The following SLC25A44 variants were observed in gnomAD, a reference collection of about 807,000 sequenced individuals.
SLC25A44 encodes solute carrier family 25 member 44.
Under a neutral mutation model 29.9 loss-of-function variants are expected in SLC25A44, and 17 were observed. That is an observed-to-expected ratio of 0.57 (90% confidence interval 0.39 to 0.85). The LOEUF (loss-of-function observed/expected upper bound fraction) is 0.85, where lower values mean the gene tolerates loss of function less well. Among genes scored for constraint, SLC25A44 ranks in the 40% least tolerant of loss-of-function variants. The probability of loss-of-function intolerance (pLI) is 0.00; values close to 1 mark genes in which losing one functional copy is unlikely to be tolerated. For synonymous variants in SLC25A44, 140 were observed against 151.8 expected (o/e 0.92, Z 0.57); for missense variants, 302 against 398.4 (o/e 0.76, Z 2.06).
In SLC25A44 at chr1:156,198,423, C is replaced by T. The variant is rs1032511946; in HGVS notation, c.-13-1412C>T. The stretch of plus-strand genomic sequence containing the variant: ...ACACTTAACATGAGGGCTACATGTG[C>T]ATCAACATACTCTGGTTTCCTTCCC... On this transcript the variant is annotated intron_variant, in intron 1 of 3. Transcript: ENST00000359511. The surrounding 1 kb of genome is among the most constrained non-coding windows in gnomAD (Gnocchi z 4.1). The T allele has an allele frequency of 6.6e-6, 1 of 151,960 alleles. No homozygotes were observed. The highest frequency in any genetic ancestry group is 2.4e-5 in the African/African-American group (1 of 41,294). 9.4% of individuals were successfully genotyped at this position (151,960 alleles called of 1,614,324 possible).
chr1:156,200,397 C>A lies in SLC25A44; in HGVS notation c.550C>A (p.Arg184=). The stretch of plus-strand genomic sequence containing the variant: ...GGCTGATGGACTTCGCGGCTTCTAT[C>A]GAGGCTATGTGGCTTCACTGCTTAC... ...LQADGLRGFY[R]GYVASLLTYI... Residue 184 remains arginine, a synonymous_variant, in exon 2 of 4, where the codon CGA becomes AGA. Transcript: ENST00000359511. The A allele has an allele frequency of 2.5e-6, 4 of 1,614,004 alleles. No homozygotes were observed. The highest frequency in any genetic ancestry group is 3.4e-6 in the Non-Finnish European group (4 of 1,180,032).
intron 2 of SLC25A44, among the ~76,000 whole-genome samples, chr1:156,203,260 G>T (rs1656698524): frequency 6.6e-6 from 1 of 152,202 alleles, no homozygotes; most frequent in Non-Finnish European, 1.5e-5. Context: ...TCCTTCTCAT[G>T]CTTCAGGCTT....
chr1:156,195,868 G>T (rs1418904742), intron 1 of SLC25A44, among the ~76,000 whole-genome samples: 3 of 152,252 alleles, frequency 2.0e-5, no homozygotes, highest in African/African-American at 7.2e-5. Flanking sequence ...GGTACAAGGA[G>T]AGTAGAGGTG....
chr1:156,203,348 T>C lies in SLC25A44; in HGVS notation c.625+2876T>C, dbSNP rs904596716. ...TCTTTCTGTTTTATATTTCAGCACCTTGTTTCCTTCTTAGTACTTGTCATA... is the reference window on the plus strand; with the variant it reads ...TCTTTCTGTTTTATATTTCAGCACCCTGTTTCCTTCTTAGTACTTGTCATA... On this transcript the variant is annotated intron_variant, in intron 2 of 3. Coordinates refer to ENST00000359511, the MANE Select transcript of SLC25A44 (RefSeq NM_014655.4). Among the ~76,000 whole-genome samples the C allele has an allele frequency of 2.0e-5, 3 of 152,354 alleles. No individual in the cohort carries two copies. The East Asian group carries it at 5.8e-4, about 29-fold the overall frequency.
chr1:156,194,390 T>C (rs1249007485), intron 1 of SLC25A44, 143 bp downstream of exon 1: 2 of 152,646 alleles, frequency 1.3e-5, no homozygotes, highest in African/African-American at 4.8e-5. Context: ...GAGGCGTCTC[T>C]TCCTGGCAGA....
chr1:156,202,840 C>G (rs1656673357), intron 2 of SLC25A44, among the ~76,000 whole-genome samples: 1 of 152,170 alleles, frequency 6.6e-6, no homozygotes, highest in South Asian at 2.1e-4. Context: ...CTCATAATTC[C>G]AACCTCACAA....
intron 2 of SLC25A44, among the ~76,000 whole-genome samples, chr1:156,205,045 AAT>A (rs1656843926): frequency 6.7e-6 from 1 of 148,666 alleles, no homozygotes. Flanking sequence ...ATGAGGAAAA[AAT>A]TTTTTTTTTT....
chr1:156,194,738 G>C (rs554259952), intron 1 of SLC25A44, among the ~76,000 whole-genome samples: 1 of 152,202 alleles, frequency 6.6e-6, no homozygotes, highest in Non-Finnish European at 1.5e-5. Context: ...GTGGTAGATA[G>C]CTCCCAGGAT....
chr1:156,203,999 TG>T, intron 2 of SLC25A44, among the ~76,000 whole-genome samples: 2 of 127,308 alleles, frequency 1.6e-5, no homozygotes. Context: ...CCACCGCGCC[TG>T]GCCCTTCTTC....
chr1:156,201,637 T>C (rs542916240), intron 2 of SLC25A44, among the ~76,000 whole-genome samples: 1 of 152,074 alleles, frequency 6.6e-6, no homozygotes, highest in African/African-American at 2.4e-5. Context: ...CCTCCTCCTC[T>C]TCTTCTTTTG....
At chr1:156,202,453 T>C (rs1656642319) in intron 2 of SLC25A44, among the ~76,000 whole-genome samples, 1 of 152,236 alleles carries the variant, frequency 6.6e-6, no homozygotes, top group Non-Finnish European at 1.5e-5. Context: ...AGGCAGTCTG[T>C]GCTGTAGCCT....
Position 156,200,310 on chromosome 1 carries a change from C to G in SLC25A44, c.463C>G (p.Pro155Ala). ...GGGCCGCTTTCAGGTGCGGGGGAAC[C>G]CAGAGGGACAAGGGGTAGTTGCCTT... is the stretch of plus-strand genomic sequence containing the variant. ...KMGRFQVRGN[P>A]EGQGVVAFGQ... Residue 155 changes from proline to alanine, a missense_variant, in exon 2 of 4, where the codon CCA (proline) becomes GCA (alanine). Coordinates refer to ENST00000359511, the MANE Select transcript of SLC25A44 (RefSeq NM_014655.4). 6.2e-7 allele frequency: 1 copy of G among 1,614,076 alleles called. No individual in the cohort carries two copies. The highest frequency in any genetic ancestry group is 8.5e-7 in the Non-Finnish European group (1 of 1,180,026).
At chr1:156,201,018 T>C (rs1008303842) in intron 2 of SLC25A44, among the ~76,000 whole-genome samples, 1 of 151,780 alleles carries the variant, frequency 6.6e-6, no homozygotes, top group Non-Finnish European at 1.5e-5. Context: ...GTATTTTTAG[T>C]AGAGATGGGG....
Position 156,210,257 on chromosome 1 carries a change from C to G in SLC25A44, c.771C>G (p.Ser257=), listed in dbSNP as rs1657208531. 1 of 1,558,274 alleles carries G rather than the reference C, an allele frequency of 6.4e-7. No homozygotes were observed. Among genetic ancestry groups the G allele is most frequent in the Non-Finnish European group, 8.7e-7 (1 of 1,152,590 alleles). The part of the protein sequence containing the change: ...RTRVQVEGKN[S]IILTFRQLMA... ...TTTTCCAGGTTGAGGGCAAGAACTC[C>G]ATCATCCTGACCTTCAGACAGCTGA... is the stretch of plus-strand genomic sequence containing the variant. Residue 257 remains serine, a synonymous_variant, in exon 4 of 4, where the codon TCC becomes TCG. Transcript: ENST00000359511.
chr1:156,208,327 G>T (rs1474625025), intron 3 of SLC25A44, among the ~76,000 whole-genome samples: 1 of 152,178 alleles, frequency 6.6e-6, no homozygotes, highest in African/African-American at 2.4e-5. Flanking sequence ...AATTAGCTGG[G>T]TGTGTTGGCA....
intron 2 of SLC25A44, among the ~76,000 whole-genome samples, chr1:156,201,180 G>A (rs1656556246): frequency 6.6e-6 from 1 of 152,056 alleles, no homozygotes; most frequent in African/African-American, 2.4e-5. Flanking sequence ...CTCCACTCCT[G>A]TAATGTATCT....
chr1:156,207,264 G>A (rs1424857998), intron 2 of SLC25A44, among the ~76,000 whole-genome samples: 2 of 149,452 alleles, frequency 1.3e-5, no homozygotes, highest in African/African-American at 4.9e-5. Flanking sequence ...TGCAAACTCC[G>A]CCTCCCAGGT....
Position 156,211,739 on chromosome 1 carries a change from A to G in SLC25A44, c.*1308A>G, listed in dbSNP as rs2495270. ...AGGAGAGGAGTGCTCCTTCCTCCCTACCGCTACTCTCCCCAAGCCTGTGTT... is the reference window on the plus strand; with the variant it reads ...AGGAGAGGAGTGCTCCTTCCTCCCTGCCGCTACTCTCCCCAAGCCTGTGTT... On this transcript the variant is annotated 3_prime_UTR_variant, in exon 4 of 4. Transcript: ENST00000359511. 0.16 allele frequency: 24,329 copies of G among 152,568 alleles called. 3,170 individuals carry two copies. The highest frequency in any genetic ancestry group is 0.36 in the African/African-American group (15,050 of 41,372). 9.5% of individuals were successfully genotyped at this position (152,568 alleles called of 1,614,324 possible).
At chr1:156,195,499 T>G (rs3001790) in intron 1 of SLC25A44, among the ~76,000 whole-genome samples, 63,249 of 151,982 alleles carry the variant, frequency 0.42, 14,691 homozygotes, top group African/African-American at 0.63. Flanking sequence ...GCAGGGGGCG[T>G]TAATAACAGA....
Sources: allele counts gnomAD v4.1 joint callset (sites outside exome capture counted in the v4.1 genomes callset), GRCh38; gene constraint gnomAD v4.1.1; non-coding constraint Gnocchi (gnomAD v3.1); transcripts MANE v1.5; gene names NCBI Gene and HGNC (gene_info 2026-07-23, HGNC 2026-07-21).